Variants in RALA observed in about 807,000 individuals in gnomAD.
RALA encodes the protein ras-related protein Ral-A.
RALA carries 5 observed loss-of-function variants against 24.0 expected under a neutral mutation model. The ratio of observed to expected loss-of-function variants is 0.21; its 90% CI spans 0.11 to 0.44. The LOEUF (loss-of-function observed/expected upper bound fraction) is 0.44, where lower values mean the gene tolerates loss of function less well. Ranked by LOEUF, RALA falls within the 20% of genes least tolerant of loss-of-function variation. The pLI, the probability that RALA is intolerant of heterozygous loss-of-function variation, is 0.99. For synonymous variants in RALA, 77 were observed against 83.8 expected (o/e 0.92, Z 0.44); for missense variants, 95 against 241.2 (o/e 0.39, Z 4.01).
intron 4 of RALA, chr7:39,700,622 A>G (rs1454461475): frequency 6.6e-6 from 1 of 152,262 alleles, no homozygotes; most frequent in Non-Finnish European, 1.5e-5. Context: ...GATAGTCACA[A>G]AGTCTCACCT....
chr7:39,676,926 C>T (rs1207112389), intron 1 of RALA, among the ~76,000 whole-genome samples: 1 of 152,172 alleles, frequency 6.6e-6, no homozygotes, highest in Non-Finnish European at 1.5e-5. Context: ...GTCCTAACTC[C>T]TAGAATCTGT....
intron 4 of RALA, among the ~76,000 whole-genome samples, chr7:39,699,118 GTTATTTTTTTTTTT>G (rs1258309943): frequency 1.4e-4 from 12 of 84,136 alleles, no homozygotes; most frequent in African/African-American, 5.6e-4. Context: ...TGCTAAAAAT[GTTATTTTTTTTTTT>G]TTTTTTTTTT....
rs1793117585 is a variant in RALA, at chr7:39,706,190, A to G, written c.566A>G (p.Lys189Arg). Reference sequence around the variant, plus strand: ...GAAGACAGCAAAGAAAAGAATGGAAAAAAGAAGAGGAAAAGTTTAGCCAAG... The same window carrying G: ...GAAGACAGCAAAGAAAAGAATGGAAGAAAGAAGAGGAAAAGTTTAGCCAAG... The part of the protein sequence containing the change: ...KMEDSKEKNG[K>R]KKRKSLAKRI... Residue 189 changes from lysine to arginine, a missense_variant, in exon 5 of 5, where the codon AAA becomes AGA. Lys to Arg is a conservative substitution (Grantham distance 26). Coordinates refer to ENST00000005257, the MANE Select transcript of RALA (RefSeq NM_005402.4). 1 of 1,610,378 alleles carries G rather than the reference A, an allele frequency of 6.2e-7. No homozygotes were observed. The highest frequency in any genetic ancestry group is 1.7e-5 in the Admixed American group (1 of 59,676).
chr7:39,643,681 C>T (rs1791876996), intron 1 of RALA, among the ~76,000 whole-genome samples: 1 of 152,060 alleles, frequency 6.6e-6, no homozygotes, highest in African/African-American at 2.4e-5. Flanking sequence ...CATATCAAAA[C>T]CCCGTCTCTA....
At chr7:39,694,987 A>G (rs1792893221) in intron 3 of RALA, among the ~76,000 whole-genome samples, 2 of 151,460 alleles carry the variant, frequency 1.3e-5, no homozygotes, top group Non-Finnish European at 2.9e-5. Context: ...TGAGCCCAGG[A>G]GGTTGAGGCT....
intron 3 of RALA, among the ~76,000 whole-genome samples, chr7:39,692,393 T>C (rs895284440): frequency 6.6e-6 from 1 of 152,208 alleles, no homozygotes; most frequent in Non-Finnish European, 1.5e-5. Context: ...TTAGTAAACA[T>C]TTGTCTTGAT....
At chr7:39,685,273 G>A (rs906488369) in intron 1 of RALA, among the ~76,000 whole-genome samples, 1 of 152,252 alleles carries the variant, frequency 6.6e-6, no homozygotes, top group African/African-American at 2.4e-5. Flanking sequence ...AGAGGAAGCT[G>A]CATGGCAAAG....
In RALA at chr7:39,707,592, C is replaced by T. The variant is rs1793141800; in HGVS notation, c.*1347C>T. The T allele has an allele frequency of 7.0e-6, 1 of 142,826 alleles. No homozygotes were observed. 8.8% of individuals were successfully genotyped at this position (142,826 alleles called of 1,614,324 possible). A position where few individuals can be genotyped will look rare whatever the true frequency, so the allele number is the denominator to read the frequency against. ...GACATAATTTCAGTGGGAAATATGCCACTGACCGATTTTTTTTTTTTCCTC... is the reference window on the plus strand; with the variant it reads ...GACATAATTTCAGTGGGAAATATGCTACTGACCGATTTTTTTTTTTTCCTC... On this transcript the variant is annotated 3_prime_UTR_variant, in exon 5 of 5. Coordinates refer to ENST00000005257, the MANE Select transcript of RALA (RefSeq NM_005402.4).
chr7:39,700,899 C>G (rs1327930743), intron 4 of RALA: 1 of 152,202 alleles, frequency 6.6e-6, no homozygotes, highest in African/African-American at 2.4e-5. Context: ...AAGTCATTTG[C>G]AGCAACTATT....
intron 1 of RALA, among the ~76,000 whole-genome samples, chr7:39,641,909 C>T (rs902822153): frequency 6.6e-6 from 1 of 152,158 alleles, no homozygotes; most frequent in African/African-American, 2.4e-5. Flanking sequence ...GTGGAACTTA[C>T]ATTTCTTCCA....
chr7:39,694,682 G>C (rs1483823083), intron 3 of RALA, among the ~76,000 whole-genome samples: 1 of 152,092 alleles, frequency 6.6e-6, no homozygotes, highest in Non-Finnish European at 1.5e-5. Context: ...CATTGTCTAA[G>C]AAGCACAGAA....
At chr7:39,649,095 G>A (rs1791976883) in intron 1 of RALA, among the ~76,000 whole-genome samples, 1 of 152,144 alleles carries the variant, frequency 6.6e-6, no homozygotes, top group African/African-American at 2.4e-5. Flanking sequence ...GAGTTTCAGT[G>A]TGAGCAACCT....
chr7:39,692,150 A>G (rs536323231), intron 3 of RALA, among the ~76,000 whole-genome samples: 2 of 152,346 alleles, frequency 1.3e-5, no homozygotes, highest in South Asian at 4.1e-4. Context: ...CACGTGGTCT[A>G]AACTGCAAGA....
chr7:39,662,237 C>CA (rs34237606), intron 1 of RALA, among the ~76,000 whole-genome samples: 68,781 of 151,776 alleles, frequency 0.45, 16,447 homozygotes, highest in Non-Finnish European at 0.52. Flanking sequence ...ACCCTGGAGA[C>CA]ATTTTCCCCA....
intron 2 of RALA, among the ~76,000 whole-genome samples, chr7:39,690,042 A>C (rs1392817041): frequency 6.6e-6 from 1 of 152,222 alleles, no homozygotes; most frequent in Non-Finnish European, 1.5e-5. Context: ...CTAGCATGAA[A>C]ATTTATATTC....
intron 1 of RALA, among the ~76,000 whole-genome samples, chr7:39,667,147 T>G (rs1435267656): frequency 6.6e-6 from 1 of 152,206 alleles, no homozygotes; most frequent in Non-Finnish European, 1.5e-5. Context: ...ACTCTTGAAG[T>G]TGGTATTGAA....
At chr7:39,697,594 C>G (rs1382045602) in intron 4 of RALA, 4 of 327,270 alleles carry the variant, frequency 1.2e-5, no homozygotes, top group African/African-American at 2.1e-5. Flanking sequence ...CTCTCAAGCT[C>G]CAATAGGCAA....
At chr7:39,692,084 A>G (rs1003704173) in intron 3 of RALA, among the ~76,000 whole-genome samples, 1 of 152,192 alleles carries the variant, frequency 6.6e-6, no homozygotes, top group Non-Finnish European at 1.5e-5. Flanking sequence ...ACTCACCAAC[A>G]ATATTGTTGG....
intron 1 of RALA, among the ~76,000 whole-genome samples, chr7:39,643,868 TA>T (rs1189970067): frequency 1.3e-5 from 2 of 151,522 alleles, no homozygotes; most frequent in Admixed American, 6.6e-5. Flanking sequence ...TCAAAAGAAA[TA>T]AAGAGAGAAA....
Sources: allele counts gnomAD v4.1 joint callset (sites outside exome capture counted in the v4.1 genomes callset), GRCh38; gene constraint gnomAD v4.1.1; transcripts MANE v1.5; gene names NCBI Gene and HGNC (gene_info 2026-07-23, HGNC 2026-07-21).